The following TACC1 variants were observed in gnomAD, a reference collection of about 807,000 sequenced individuals.
The protein encoded by TACC1 is transforming acidic coiled-coil containing protein 1, also known as transforming acidic coiled-coil-containing protein 1.
In TACC1, 48 loss-of-function variants were observed where a neutral mutation model predicts 84.4. The ratio of observed to expected loss-of-function variants is 0.57; its 90% CI spans 0.45 to 0.72. The LOEUF is 0.72. Ranked by LOEUF, TACC1 falls within the 30% of genes least tolerant of loss-of-function variation. The probability of loss-of-function intolerance (pLI) is 0.00; values close to 1 mark genes in which losing one functional copy is unlikely to be tolerated. For missense variants in TACC1, 920 were observed against 973.0 expected, an observed-to-expected ratio of 0.95 and a Z score of 0.72; for synonymous variants, 372 against 376.3, an observed-to-expected ratio of 0.99 and a Z score of 0.13.
At position 38,763,476 on chromosome 8, in the gene TACC1, A is replaced by G. The variant is rs557804438; in HGVS notation, c.26+17983A>G. Among the ~76,000 whole-genome samples the G allele has an allele frequency of 1.2e-3, 182 of 152,278 alleles. 1 individual carries two copies. The highest frequency in any genetic ancestry group is 1.3e-3 in the Non-Finnish European group (89 of 68,010). On this transcript the variant is annotated intron_variant, in intron 3 of 14. Coordinates refer to the TACC1 transcript ENST00000518415. ...CCGGCCTCATTTTGTTTTAGCATAA[A>G]CAAGACATCACTTTGGAGATCTAAG...
At position 38,836,234 on chromosome 8, in the gene TACC1, A is replaced by T. The variant is rs1225663849; in HGVS notation, c.1786A>T (p.Ile596Phe). The T allele has an allele frequency of 6.2e-7, 1 of 1,613,074 alleles. No individual in the cohort carries two copies. The highest frequency in any genetic ancestry group is 1.6e-4 in the Middle Eastern group (1 of 6,062). The part of the protein sequence containing the change: ...SCGGESPLDG[I>F]CLSESDKTAV... ...TGGAGGTGAGAGCCCCCTGGATGGG[A>T]TCTGCCTCAGCGAATCAGACAAGAC... The change falls in exon 7 of 13, where the codon ATC becomes TTC. Residue 596 changes from isoleucine to phenylalanine, a missense_variant. Around this residue, in one of 2 missense-constraint regions of TACC1, gnomAD observed 762 missense variants for 747.3 expected, o/e 1.02. Coordinates refer to ENST00000317827, the MANE Select transcript of TACC1 (RefSeq NM_006283.3).
intron 4 of TACC1, among the ~76,000 whole-genome samples, chr8:38,826,009 AAACTAAT>A (rs1368212429): frequency 6.6e-6 from 1 of 152,254 alleles, no homozygotes; most frequent in East Asian, 1.9e-4. Context: ...ATGACCGTAT[AAACTAAT>A]TGCAAAACAA....
intron 2 of TACC1, among the ~76,000 whole-genome samples, chr8:38,802,890 C>G (rs1384059580): frequency 1.3e-5 from 2 of 152,160 alleles, no homozygotes; most frequent in Non-Finnish European, 2.9e-5. Flanking sequence ...GAGGGATCCA[C>G]CCCCGTGACC....
At chr8:38,779,632 A>C (rs372977438) in intron 3 of TACC1, among the ~76,000 whole-genome samples, 54 of 152,356 alleles carry the variant, frequency 3.5e-4, no homozygotes, top group African/African-American at 1.2e-3. Context: ...AGTCAACCTA[A>C]AACATTATTC....
In TACC1 at chr8:38,851,067, C is replaced by A. The variant is rs578224662; in HGVS notation, c.*3044C>A. On this transcript the variant is annotated 3_prime_UTR_variant, in exon 13 of 13. Coordinates refer to ENST00000317827, the MANE Select transcript of TACC1 (RefSeq NM_006283.3). ...CAGTGACCTACCCAAACCTTTTGTT[C>A]TGTAAAACTGCTCTGGAAATACCGG... 2.0e-5 allele frequency: 3 copies of A among 152,420 alleles called. No homozygotes were observed. The highest frequency in any genetic ancestry group is 7.2e-5 in the African/African-American group (3 of 41,446). 9.4% of individuals were successfully genotyped at this position (152,420 alleles called of 1,614,324 possible). A position where few individuals can be genotyped will look rare whatever the true frequency, so the allele number is the denominator to read the frequency against.
intron 3 of TACC1, among the ~76,000 whole-genome samples, chr8:38,766,065 C>G (rs545197792): frequency 1.8e-4 from 28 of 152,288 alleles, no homozygotes; most frequent in African/African-American, 6.0e-4. Flanking sequence ...AAAGCACAAA[C>G]AGATTTAATA....
chr8:38,742,448 A>C, exon 2 of TACC1: 1 of 1,529,690 alleles, frequency 6.5e-7, no homozygotes, highest in Non-Finnish European at 8.8e-7. Flanking sequence ...ACAAACCATC[A>C]AAGGTAATTC....
intron 5 of TACC1, among the ~76,000 whole-genome samples, chr8:38,830,248 G>A (rs541629135): frequency 6.6e-6 from 1 of 152,194 alleles, no homozygotes; most frequent in Admixed American, 6.5e-5. Flanking sequence ...TTACTTTAAT[G>A]AGTGCATCTT....
rs146856252 is a variant in TACC1 at position 38,768,524 on chromosome 8, C to T, written c.27-20180C>T. Among the ~76,000 whole-genome samples the T allele has an allele frequency of 4.6e-5, 7 of 152,246 alleles. 1 individual carries two copies. The East Asian group carries it at 1.2e-3, about 25-fold the overall frequency. ...TGGTGAAGCTGCACAGCAGAAGGAA[C>T]GGGAGTGTCAAAAGTTCAATTTTTT... is the stretch of plus-strand genomic sequence containing the variant. On this transcript the variant is annotated intron_variant, in intron 3 of 14. Transcript: ENST00000518415.
chr8:38,822,037 A>G (rs1419801875), intron 3 of TACC1, among the ~76,000 whole-genome samples: 1 of 152,058 alleles, frequency 6.6e-6, no homozygotes, highest in Non-Finnish European at 1.5e-5. Flanking sequence ...CCTGGGCAAC[A>G]TAGTGAGACA....
chr8:38,764,168 T>C (rs62505798), intron 3 of TACC1, among the ~76,000 whole-genome samples: 31,971 of 151,932 alleles, frequency 0.21, 3,999 homozygotes, highest in Non-Finnish European at 0.29. Context: ...ACCTCCACCT[T>C]CCTGGTTCAA....
At chr8:38,824,833 A>C (rs1387831647) in intron 3 of TACC1, 3 of 154,988 alleles carry the variant, frequency 1.9e-5, no homozygotes, top group Admixed American at 6.4e-5. Context: ...TGAGCACACA[A>C]GTCTAACTGG....
intron 5 of TACC1, 67 bp from the exon 6 acceptor site, chr8:38,831,058 A>G: frequency 6.9e-7 from 1 of 1,459,720 alleles, no homozygotes; most frequent in South Asian, 1.1e-5. Context: ...GGTTTCCAAG[A>G]GCCTTTCACT....
chr8:38,771,171 C>T (rs1349120940), intron 3 of TACC1, among the ~76,000 whole-genome samples: 1 of 152,064 alleles, frequency 6.6e-6, no homozygotes, highest in Non-Finnish European at 1.5e-5. Context: ...GGGAAAGAGA[C>T]GGGGAGAGAA....
rs1833006196 is a variant in TACC1, at chr8:38,850,947, ATTT to A, written c.*2926_*2928del. On this transcript the variant is annotated 3_prime_UTR_variant, in exon 13 of 13. Transcript: ENST00000317827. Reference sequence around the variant, plus strand: ...GTGTAGATAGCCTTTATCCAGCAGTATTTTAAGTGGGGAATGCAACGTGAGGCC... The same window carrying A: ...GTGTAGATAGCCTTTATCCAGCAGTATAAGTGGGGAATGCAACGTGAGGCC... 6.6e-6 allele frequency: 1 copy of A among 152,198 alleles called. No homozygotes were observed. The highest frequency in any genetic ancestry group is 1.5e-5 in the Non-Finnish European group (1 of 67,914). The allele number at this position is 152,198 out of a possible 1,614,324, so 9.4% of individuals were successfully genotyped here.
At chr8:38,839,298 G>A (rs1441073554) in intron 8 of TACC1, 5 of 395,058 alleles carry the variant, frequency 1.3e-5, no homozygotes, top group African/African-American at 2.1e-5. Flanking sequence ...ACTTGAAATC[G>A]AAATCTTTTT....
At chr8:38,767,223 A>G (rs1812417509) in intron 3 of TACC1, among the ~76,000 whole-genome samples, 1 of 152,242 alleles carries the variant, frequency 6.6e-6, no homozygotes, top group Admixed American at 6.5e-5. Context: ...ATACGAAGGT[A>G]GGAAGATGAC....
In TACC1 at chr8:38,852,203, G is replaced by A; in HGVS notation, c.*4180G>A. The stretch of plus-strand genomic sequence containing the variant: ...TGCCTCTTAGCATGCAGTTAGATTT[G>A]GACAAACAAGATTCCTAAGGAATGA... On this transcript the variant is annotated 3_prime_UTR_variant, in exon 13 of 13. Transcript: ENST00000317827. The A allele has an allele frequency of 2.1e-5, 6 of 279,242 alleles. No homozygotes were observed. Among genetic ancestry groups the A allele is most frequent in the South Asian group, 6.8e-5 (2 of 29,294 alleles). 17.3% of individuals were successfully genotyped at this position (279,242 alleles called of 1,614,324 possible). A position where few individuals can be genotyped will look rare whatever the true frequency, so the allele number is the denominator to read the frequency against.
At chr8:38,759,049 C>G (rs1419637529) in intron 3 of TACC1, among the ~76,000 whole-genome samples, 1 of 152,084 alleles carries the variant, frequency 6.6e-6, no homozygotes, top group Admixed American at 6.6e-5. Flanking sequence ...GCTAATTAGA[C>G]AAAATTGCCA....
Sources: gnomAD v4.1 joint callset for allele counts (sites outside exome capture counted in the v4.1 genomes callset) on GRCh38, gnomAD v4.1.1 for gene constraint, gnomAD v4.1.1 regional missense constraint, MANE v1.5 for transcripts, NCBI Gene and HGNC (gene_info 2026-07-23, HGNC 2026-07-21) for gene names.